Variants in EXOC6B observed in about 807,000 individuals in gnomAD.
EXOC6B encodes the protein exocyst complex component 6B.
A neutral mutation model predicts 113.5 loss-of-function variants in EXOC6B; 54 were observed. The observed-to-expected ratio is 0.48, with a 90% CI of 0.38 to 0.60. The LOEUF is 0.60. EXOC6B is among the 20% of genes least tolerant of loss of function. The probability of loss-of-function intolerance (pLI) is 0.00; values close to 1 mark genes in which losing one functional copy is unlikely to be tolerated. For missense variants in EXOC6B, 797 were observed against 977.5 expected (o/e 0.82, Z 2.46); for synonymous variants, 357 against 339.0 (o/e 1.05, Z -0.58).
intron 19 of EXOC6B, among the ~76,000 whole-genome samples, chr2:72,375,670 A>C (rs1461427875): frequency 1.3e-5 from 2 of 152,186 alleles, no homozygotes; most frequent in Admixed American, 6.5e-5. Flanking sequence ...TAGTACTTAG[A>C]CAATAATTTC....
chr2:72,793,766 A>T (rs1366235730), intron 1 of EXOC6B, among the ~76,000 whole-genome samples: 1 of 152,222 alleles, frequency 6.6e-6, no homozygotes, highest in Non-Finnish European at 1.5e-5. Flanking sequence ...CTCAACTAGA[A>T]GATGAGCTCC....
At chr2:72,791,394 A>C (rs1684668675) in intron 1 of EXOC6B, among the ~76,000 whole-genome samples, 1 of 151,964 alleles carries the variant, frequency 6.6e-6, no homozygotes, top group South Asian at 2.1e-4. Context: ...AAAATAAACA[A>C]AACTAGCCAG....
intron 17 of EXOC6B, among the ~76,000 whole-genome samples, chr2:72,469,438 A>G (rs1367495166): frequency 6.6e-6 from 1 of 152,084 alleles, no homozygotes; most frequent in African/African-American, 2.4e-5. Context: ...TATTAATGGT[A>G]CAAATTTCCC....
chr2:72,472,892 G>C (rs1256499007), intron 17 of EXOC6B, among the ~76,000 whole-genome samples: 1 of 151,898 alleles, frequency 6.6e-6, no homozygotes, highest in Non-Finnish European at 1.5e-5. Context: ...CATTTCATTT[G>C]TTCCAAAAAA....
rs565642066 is a variant in EXOC6B, at chr2:72,255,411, A to G, written c.2197-71224T>C. On this transcript the variant is annotated intron_variant, in intron 20 of 21. Transcript: ENST00000272427. ...TTAAGAAAAGGAAAGGATGACTTCT[A>G]GGTCAGAGCCATGGGTGCAGAAGTA... 2.5e-3 allele frequency among the ~76,000 whole-genome samples: 375 copies of G among 152,370 alleles called. 2 individuals are homozygous for G. Among genetic ancestry groups the G allele is most frequent in the Non-Finnish European group, 4.3e-3 (291 of 68,026 alleles).
intron 19 of EXOC6B, among the ~76,000 whole-genome samples, chr2:72,352,575 T>G (rs1281696534): frequency 6.6e-6 from 1 of 152,212 alleles, no homozygotes; most frequent in African/African-American, 2.4e-5. Context: ...AATACTGTAA[T>G]ACTAGAAGTA....
At chr2:72,451,716 GT>G (rs940351845) in intron 18 of EXOC6B, among the ~76,000 whole-genome samples, 1 of 148,886 alleles carries the variant, frequency 6.7e-6, no homozygotes, top group East Asian at 1.9e-4. Context: ...TAAGAAGGTA[GT>G]TTTTCCTTAG....
chr2:72,269,555 C>T (rs1684347267), intron 20 of EXOC6B, among the ~76,000 whole-genome samples: 1 of 152,114 alleles, frequency 6.6e-6, no homozygotes, highest in Non-Finnish European at 1.5e-5. Flanking sequence ...TCACACCTAT[C>T]ATTCCAGCAC....
At chr2:72,205,104 G>T (rs1274936505) in intron 20 of EXOC6B, among the ~76,000 whole-genome samples, 1 of 152,154 alleles carries the variant, frequency 6.6e-6, no homozygotes, top group South Asian at 2.1e-4. Context: ...GCCAGAGAGA[G>T]AGAGAATGGA....
intron 11 of EXOC6B, among the ~76,000 whole-genome samples, chr2:72,501,627 C>T (rs1558737441): frequency 6.6e-6 from 1 of 151,418 alleles, no homozygotes. Context: ...ATTGGGTCAG[C>T]TCTTTTTAAT....
chr2:72,815,363 C>T (rs548299850), intron 1 of EXOC6B, among the ~76,000 whole-genome samples: 2 of 151,926 alleles, frequency 1.3e-5, no homozygotes, highest in Admixed American at 1.3e-4. Context: ...TGGTGTCGCG[C>T]ACCTGTAGTC....
intron 20 of EXOC6B, among the ~76,000 whole-genome samples, chr2:72,207,792 CCTTT>C (rs1679926545): frequency 6.6e-6 from 1 of 152,102 alleles, no homozygotes; most frequent in African/African-American, 2.4e-5. Flanking sequence ...CTCAATGATC[CCTTT>C]CTATCATAAA....
chr2:72,483,965 T>C (rs1699264200), intron 16 of EXOC6B, among the ~76,000 whole-genome samples: 1 of 152,144 alleles, frequency 6.6e-6, no homozygotes, highest in Admixed American at 6.5e-5. Flanking sequence ...TTACATAAAG[T>C]TCTATGAGAA....
chr2:72,779,497 A>G (rs1683904827), intron 1 of EXOC6B, among the ~76,000 whole-genome samples: 1 of 152,184 alleles, frequency 6.6e-6, no homozygotes, highest in South Asian at 2.1e-4. Context: ...TGCTAAAATA[A>G]TAAGTTTATG....
At chr2:72,549,771 A>G (rs558822588) in intron 8 of EXOC6B, among the ~76,000 whole-genome samples, 1 of 152,326 alleles carries the variant, frequency 6.6e-6, no homozygotes, top group East Asian at 1.9e-4. Flanking sequence ...CAAGACACAA[A>G]GAAAAGTGGG....
At chr2:72,445,859 A>G (rs1357449755) in intron 18 of EXOC6B, among the ~76,000 whole-genome samples, 1 of 152,236 alleles carries the variant, frequency 6.6e-6, no homozygotes, top group Non-Finnish European at 1.5e-5. Flanking sequence ...TTTTTAAAAG[A>G]CACACATGTG....
intron 6 of EXOC6B, among the ~76,000 whole-genome samples, chr2:72,588,551 G>A (rs1451180779): frequency 1.3e-5 from 2 of 151,988 alleles, no homozygotes; most frequent in African/African-American, 2.4e-5. Context: ...TTAATGTTCA[G>A]TGAGTATACA....
intron 9 of EXOC6B, 81 bp downstream of exon 9, chr2:72,514,962 C>G: frequency 2.5e-6 from 3 of 1,209,206 alleles, no homozygotes; most frequent in Non-Finnish European, 3.6e-6. Context: ...CAGACACACA[C>G]ACACACACAC....
At chr2:72,292,061 T>C (rs1406712936) in intron 20 of EXOC6B, among the ~76,000 whole-genome samples, 1 of 152,142 alleles carries the variant, frequency 6.6e-6, no homozygotes, top group Admixed American at 6.5e-5. Context: ...TAGTGTTTTC[T>C]AACCTTGAGC....
Sources: allele counts gnomAD v4.1 joint callset (sites outside exome capture counted in the v4.1 genomes callset), GRCh38; gene constraint gnomAD v4.1.1; transcripts MANE v1.5; gene names NCBI Gene and HGNC (gene_info 2026-07-23, HGNC 2026-07-21).